The following ARMC6 variants were observed in gnomAD, a reference collection of about 807,000 sequenced individuals.
ARMC6 encodes armadillo repeat-containing protein 6.
A neutral mutation model predicts 49.2 loss-of-function variants in ARMC6; 43 were observed. That is an observed-to-expected ratio of 0.87 (90% CI 0.69 to 1.13). The LOEUF is 1.13. ARMC6 is among the 50% of genes most tolerant of loss of function. ARMC6 has a pLI of 0.00. For missense variants in ARMC6, 627 were observed against 682.0 expected (o/e 0.92, Z 0.90); for synonymous variants, 262 against 289.6 (o/e 0.90, Z 0.97).
rs369392289 is a variant in ARMC6 at position 19,055,923 on chromosome 19, G to T, written c.1288G>T (p.Val430Leu). Residue 430 changes from valine (V) to leucine (L), a missense_variant, in exon 8 of 9, where the codon GTG (valine) becomes TTG (leucine). Physicochemically the swap from Val to Leu is conservative, Grantham distance 32. Transcript: ENST00000535612. This position sits in a 1 kb window ranked among gnomAD's most constrained non-coding sequence, Gnocchi z 5.7. Reference protein sequence around the residue: ...AMKAHPQKAGVQKQACMLIRN... With the variant: ...AMKAHPQKAGLQKQACMLIRN... ...GAAGGCACACCCGCAGAAGGCCGGC[G>T]TGCAGGTGGGCAGGGCAGGGGATGG... 6.2e-7 allele frequency: 1 copy of T among 1,608,812 alleles called. No individual in the cohort carries two copies. Among genetic ancestry groups the T allele is most frequent in the Middle Eastern group, 1.7e-4 (1 of 5,830 alleles).
intron 6 of ARMC6, among the ~76,000 whole-genome samples, chr19:19,054,674 T>G (rs560331431): frequency 6.6e-6 from 1 of 152,042 alleles, no homozygotes; most frequent in African/African-American, 2.4e-5. Flanking sequence ...ATTGAGCCCT[T>G]CTCCATGTGC....
At chr19:19,044,112 C>A in intron 4 of ARMC6, 38 bp downstream of exon 4, 1 of 1,581,916 alleles carries the variant, frequency 6.3e-7, no homozygotes, top group Non-Finnish European at 8.7e-7. Flanking sequence ...TCCTGCGTCA[C>A]CTCTGTCTGG....
In ARMC6 at chr19:19,042,696, G is replaced by A. The variant is rs1375004585; in HGVS notation, c.30-15G>A. ...TCACCCTTGAGGTAGCTCTCTCTTT[G>A]CCCTAACCTCTCAGCTCAGGAGCAT... On this transcript the variant is annotated splice_polypyrimidine_tract_variant and intron_variant, in intron 2 of 8. Coordinates refer to ENST00000535612, the MANE Select transcript of ARMC6 (RefSeq NM_001199196.2). The A allele has an allele frequency of 6.2e-6, 10 of 1,610,820 alleles. No homozygotes were observed. Among genetic ancestry groups the A allele is most frequent in the Non-Finnish European group, 8.5e-6 (10 of 1,179,920 alleles).
chr19:19,045,412 G>T (rs1204144201), intron 4 of ARMC6, among the ~76,000 whole-genome samples: 1 of 151,888 alleles, frequency 6.6e-6, no homozygotes, highest in Non-Finnish European at 1.5e-5. Flanking sequence ...TATATAGGAA[G>T]GATCTCAATA....
chr19:19,045,776 C>A (rs111988328), intron 4 of ARMC6, among the ~76,000 whole-genome samples: 2 of 151,704 alleles, frequency 1.3e-5, no homozygotes, highest in Non-Finnish European at 2.9e-5. Context: ...CTCAGCCTCC[C>A]GAGTAGCTGG....
chr19:19,052,652 G>A (rs1568495754), intron 5 of ARMC6, among the ~76,000 whole-genome samples: 1 of 152,184 alleles, frequency 6.6e-6, no homozygotes, highest in Non-Finnish European at 1.5e-5. Flanking sequence ...GCCAGCCCTG[G>A]GAGGTCACAG....
rs754786135 is a variant in ARMC6 at position 19,051,689 on chromosome 19, G to A, written c.347G>A (p.Arg116His). Residue 116 changes from arginine (R) to histidine (H), a missense_variant, in exon 5 of 9, where the codon CGC (arginine) becomes CAC (histidine). Physicochemically the swap from Arg to His is conservative, Grantham distance 29 (BLOSUM62 0). Coordinates refer to ENST00000535612, the MANE Select transcript of ARMC6 (RefSeq NM_001199196.2). ...CAGGAGGTGTCAGCATACCTCACCC[G>A]CTTCTGCGACCAGTGCAAACAGGAC... is the stretch of plus-strand genomic sequence containing the variant. Reference protein sequence around the residue: ...RPQEVSAYLTRFCDQCKQDKA... With the variant: ...RPQEVSAYLTHFCDQCKQDKA... 6.8e-6 allele frequency: 11 copies of A among 1,613,658 alleles called. No homozygotes were observed. The highest frequency in any genetic ancestry group is 2.2e-5 in the East Asian group (1 of 44,896).
At chr19:19,056,015 C>T (rs569677705) in intron 8 of ARMC6, 87 bp downstream of exon 8, 29 of 1,445,644 alleles carry the variant, frequency 2.0e-5, no homozygotes, top group East Asian at 7.4e-5. Flanking sequence ...GTGCGGTGTG[C>T]GGGTGGGTGA....
Position 19,034,237 on chromosome 19 carries a change from A to AG in ARMC6, c.29+1dup. On this transcript the variant is annotated frameshift_variant and splice_region_variant, in exon 2 of 9. Transcript: ENST00000535612. LOFTEE classifies it high-confidence loss of function. ...GAGTGAACGATGTTGCTCTAGATAC[A>AG]GGTAATGGTGTGCAAATAATAACAG... is the stretch of plus-strand genomic sequence containing the variant. 6.3e-7 allele frequency: 1 copy of AG among 1,594,834 alleles called. No homozygotes were observed. Among genetic ancestry groups the AG allele is most frequent in the South Asian group, 1.1e-5 (1 of 90,004 alleles).
At chr19:19,043,552 G>A (rs1299769093) in intron 3 of ARMC6, among the ~76,000 whole-genome samples, 1 of 151,864 alleles carries the variant, frequency 6.6e-6, no homozygotes, top group Non-Finnish European at 1.5e-5. Flanking sequence ...CACTAGACAG[G>A]GGCCAGTGGG....
At position 19,037,961 on chromosome 19, in the gene ARMC6, C is replaced by T. The variant is rs1167601440; in HGVS notation, c.29+3723C>T. ...CAGCAGGAGGCAAGCGTAGGGTGAGCGAGTGAAGCTTCATCTGTATTTACA... is the reference window on the plus strand; with the variant it reads ...CAGCAGGAGGCAAGCGTAGGGTGAGTGAGTGAAGCTTCATCTGTATTTACA... On this transcript the variant is annotated intron_variant, in intron 2 of 8. Coordinates refer to ENST00000535612, the MANE Select transcript of ARMC6 (RefSeq NM_001199196.2). 6.6e-5 allele frequency among the ~76,000 whole-genome samples: 10 copies of T among 152,266 alleles called. 1 individual carries two copies. Among genetic ancestry groups the T allele is most frequent in the South Asian group, 4.1e-4 (2 of 4,822 alleles).
intron 2 of ARMC6, among the ~76,000 whole-genome samples, chr19:19,039,704 T>C (rs1034643296): frequency 6.6e-6 from 1 of 152,214 alleles, no homozygotes; most frequent in African/African-American, 2.4e-5. Context: ...CTATCTCCAT[T>C]GTAGCATGCT....
At chr19:19,043,880 T>C (rs1046467233) in intron 3 of ARMC6, 112 bp from the exon 4 acceptor site, 8 of 898,684 alleles carry the variant, frequency 8.9e-6, no homozygotes, top group Admixed American at 7.9e-5. Flanking sequence ...GCTTCTGGAG[T>C]GGGGTGGTCC....
chr19:19,047,084 G>T (rs1161356709), intron 4 of ARMC6, among the ~76,000 whole-genome samples: 1 of 151,470 alleles, frequency 6.6e-6, no homozygotes, highest in African/African-American at 2.4e-5. Context: ...CTCCTGAGTA[G>T]CTGGGATTAC....
chr19:19,038,971 T>C (rs971479242), intron 2 of ARMC6, among the ~76,000 whole-genome samples: 72 of 152,150 alleles, frequency 4.7e-4, no homozygotes, highest in African/African-American at 1.6e-3. Context: ...CGCAGGCTGG[T>C]CTCAAACTCC....
intron 4 of ARMC6, among the ~76,000 whole-genome samples, chr19:19,049,298 C>A (rs960076071): frequency 4.6e-5 from 7 of 152,094 alleles, no homozygotes; most frequent in African/African-American, 1.7e-4. Context: ...AAGCGATACA[C>A]CTGCCTTGGC....
chr19:19,054,138 CT>C lies in ARMC6; in HGVS notation c.854-11del. 1 of 1,534,674 alleles carries C rather than the reference CT, an allele frequency of 6.5e-7. No individual in the cohort carries two copies. The highest frequency in any genetic ancestry group is 8.8e-7 in the Non-Finnish European group (1 of 1,139,978). ...TCTTCCCGCCCCCACCACCGTCTCC[CT>C]TTCTCCCTGCAGCGTTCCTGGATAA... is the stretch of plus-strand genomic sequence containing the variant. On this transcript the variant is annotated splice_polypyrimidine_tract_variant and intron_variant, in intron 5 of 8. Transcript: ENST00000535612.
At chr19:19,044,671 G>T (rs989585427) in intron 4 of ARMC6, among the ~76,000 whole-genome samples, 2 of 152,216 alleles carry the variant, frequency 1.3e-5, no homozygotes, top group Non-Finnish European at 2.9e-5. Context: ...AACCGACTGT[G>T]GGCCTGGTTC....
intron 4 of ARMC6, among the ~76,000 whole-genome samples, chr19:19,046,229 C>G (rs530998353): frequency 6.6e-6 from 1 of 152,170 alleles, no homozygotes; most frequent in African/African-American, 2.4e-5. Flanking sequence ...CAGAGTCTCG[C>G]TCTGTCGCCC....
Sources: allele counts gnomAD v4.1 joint callset (sites outside exome capture counted in the v4.1 genomes callset), GRCh38; gene constraint gnomAD v4.1.1; non-coding constraint Gnocchi (gnomAD v3.1); transcripts MANE v1.5; gene names NCBI Gene and HGNC (gene_info 2026-07-23, HGNC 2026-07-21).